Variants in KCNJ6 observed in about 807,000 individuals in gnomAD.
The protein encoded by KCNJ6 is potassium inwardly rectifying channel subfamily J member 6, also known as G protein-activated inward rectifier potassium channel 2.
In KCNJ6, 9 loss-of-function variants were observed where a neutral mutation model predicts 34.2. That is an observed-to-expected ratio of 0.26 (90% CI 0.16 to 0.46). KCNJ6 has a LOEUF of 0.46. KCNJ6 is among the 20% of genes least tolerant of loss of function. The pLI is 1.00. For synonymous variants in KCNJ6, 196 were observed against 207.1 expected, an observed-to-expected ratio of 0.95 and a Z score of 0.46; for missense variants, 236 against 531.3, an observed-to-expected ratio of 0.44 and a Z score of 5.46.
intron 2 of KCNJ6, among the ~76,000 whole-genome samples, chr21:37,741,314 A>G (rs140727763): frequency 5.9e-5 from 9 of 152,164 alleles, no homozygotes; most frequent in African/African-American, 1.9e-4. Flanking sequence ...ACCTTTCTGG[A>G]TGTACCTGGT....
At chr21:37,825,854 C>A (rs552111349) in intron 2 of KCNJ6, among the ~76,000 whole-genome samples, 3 of 152,302 alleles carry the variant, frequency 2.0e-5, no homozygotes, top group Admixed American at 2.0e-4. Flanking sequence ...TTGATAAAAT[C>A]ATCAGATCTT....
intron 3 of KCNJ6, among the ~76,000 whole-genome samples, chr21:37,658,950 T>A (rs1334797084): frequency 1.3e-5 from 2 of 152,242 alleles, no homozygotes; most frequent in African/African-American, 4.8e-5. Context: ...GTTCTCTTTC[T>A]CCAAATGATT....
intron 2 of KCNJ6, among the ~76,000 whole-genome samples, chr21:37,829,857 G>A (rs965534436): frequency 1.3e-5 from 2 of 152,336 alleles, no homozygotes; most frequent in Admixed American, 6.5e-5. Context: ...CCAGAGCCGG[G>A]CTTTCCATTA....
At chr21:37,645,547 G>A (rs1357945388) in intron 3 of KCNJ6, among the ~76,000 whole-genome samples, 1 of 152,174 alleles carries the variant, frequency 6.6e-6, no homozygotes, top group Non-Finnish European at 1.5e-5. Context: ...ATTTGGAAAA[G>A]TAAATGTAGT....
At chr21:37,679,347 T>C (rs966718517) in intron 3 of KCNJ6, among the ~76,000 whole-genome samples, 5 of 152,248 alleles carry the variant, frequency 3.3e-5, no homozygotes, top group Admixed American at 2.0e-4. Flanking sequence ...AGATAACTAA[T>C]ACAAAAGCTA....
chr21:37,912,898 T>C (rs1023662775), intron 1 of KCNJ6, among the ~76,000 whole-genome samples: 2 of 152,194 alleles, frequency 1.3e-5, no homozygotes, highest in Non-Finnish European at 2.9e-5. Flanking sequence ...TTGTTTACCA[T>C]TAAAAATAAC....
Position 37,607,482 on chromosome 21 carries a change from A to ATATATATATATATTTTTTT in KCNJ6, c.*17676_*17677insAAAAAAATATATATATATA. On this transcript the variant is annotated 3_prime_UTR_variant, in exon 4 of 4. Coordinates refer to ENST00000609713, the MANE Select transcript of KCNJ6 (RefSeq NM_002240.5). ...CTTAAAGATATATATATATATATAT[A>ATATATATATATATTTTTTT]TTTTTTTTTTATTTTAAAAAAATTT... 27 of 136,752 alleles carry ATATATATATATATTTTTTT rather than the reference A, an allele frequency of 2.0e-4. No individual in the cohort carries two copies. In the South Asian group the frequency reaches 3.9e-3, roughly 20 times the overall value. 8.5% of individuals were successfully genotyped at this position (136,752 alleles called of 1,614,324 possible).
chr21:37,903,212 G>T (rs2123647118), intron 1 of KCNJ6, among the ~76,000 whole-genome samples: 1 of 152,242 alleles, frequency 6.6e-6, no homozygotes, highest in Non-Finnish European at 1.5e-5. Flanking sequence ...CAAGGGTGGG[G>T]CCAGGTGGAG....
intron 3 of KCNJ6, among the ~76,000 whole-genome samples, chr21:37,701,418 T>C (rs889353291): frequency 6.6e-6 from 1 of 151,268 alleles, no homozygotes; most frequent in African/African-American, 2.4e-5. Context: ...TGTGGCAATT[T>C]TAAGTGACTC....
rs2054270274 is a variant in KCNJ6 at position 37,616,963 on chromosome 21, G to T, written c.*8196C>A. On this transcript the variant is annotated 3_prime_UTR_variant, in exon 4 of 4. Transcript: ENST00000609713. ...CCTTCATTTGGTGACCCTGATAGAG[G>T]TGGGGATGTGCGATTTCTTTTCTCT... 6.6e-6 allele frequency: 1 copy of T among 151,860 alleles called. No individual in the cohort carries two copies. Among genetic ancestry groups the T allele is most frequent in the Non-Finnish European group, 1.5e-5 (1 of 67,966 alleles). 9.4% of individuals were successfully genotyped at this position (151,860 alleles called of 1,614,324 possible).
intron 2 of KCNJ6, among the ~76,000 whole-genome samples, chr21:37,809,606 T>C (rs2835976): frequency 0.61 from 92,690 of 152,034 alleles, 28,858 homozygotes; most frequent in South Asian, 0.7. Flanking sequence ...ATGATGTAAG[T>C]TTGTTTGGAA....
At chr21:37,744,640 A>G (rs1343866267) in intron 2 of KCNJ6, among the ~76,000 whole-genome samples, 1 of 152,184 alleles carries the variant, frequency 6.6e-6, no homozygotes, top group African/African-American at 2.4e-5. Context: ...ACTAAGGATC[A>G]GAGAGCAATA....
In KCNJ6 at chr21:37,775,782, C is replaced by T. The variant is rs369025736; in HGVS notation, c.26-60651G>A. Among the ~76,000 whole-genome samples the T allele has an allele frequency of 5.3e-5, 8 of 152,104 alleles. No homozygotes were observed. The South Asian group carries it at 8.3e-4, about 16-fold the overall frequency. ...TGTAGTATAGTTTGAAGTCAGGTAGCGTGATGCCTCCAACTTTGTTCTTTT... is the reference window on the plus strand; with the variant it reads ...TGTAGTATAGTTTGAAGTCAGGTAGTGTGATGCCTCCAACTTTGTTCTTTT... On this transcript the variant is annotated intron_variant, in intron 2 of 3. Coordinates refer to ENST00000609713, the MANE Select transcript of KCNJ6 (RefSeq NM_002240.5).
chr21:37,855,622 A>C (rs2123595937), intron 1 of KCNJ6, among the ~76,000 whole-genome samples: 1 of 152,344 alleles, frequency 6.6e-6, no homozygotes, highest in Admixed American at 6.5e-5. Flanking sequence ...CTTCCAATTC[A>C]GAAGGCAGAA....
At chr21:37,752,177 G>A (rs2054999264) in intron 2 of KCNJ6, among the ~76,000 whole-genome samples, 2 of 152,190 alleles carry the variant, frequency 1.3e-5, no homozygotes, top group South Asian at 2.1e-4. Context: ...AAGGCGGGCT[G>A]CTCTGTGTCC....
intron 1 of KCNJ6, among the ~76,000 whole-genome samples, chr21:37,900,106 A>G (rs1457859406): frequency 6.6e-6 from 1 of 152,228 alleles, no homozygotes; most frequent in Admixed American, 6.5e-5. Context: ...AGCCTTTTTG[A>G]AGGGCAATTT....
intron 2 of KCNJ6, among the ~76,000 whole-genome samples, chr21:37,789,565 A>G (rs1488658062): frequency 1.3e-5 from 2 of 152,202 alleles, no homozygotes; most frequent in Non-Finnish European, 2.9e-5. Context: ...TTTGTCATGG[A>G]AACCTGAGCA....
intron 1 of KCNJ6, among the ~76,000 whole-genome samples, chr21:37,854,819 A>G (rs566018213): frequency 2.2e-4 from 33 of 152,352 alleles, no homozygotes; most frequent in African/African-American, 7.5e-4. Context: ...ATACATAGCA[A>G]TCCTAAATGT....
chr21:37,647,546 A>G (rs2054411118), intron 3 of KCNJ6, among the ~76,000 whole-genome samples: 1 of 152,062 alleles, frequency 6.6e-6, no homozygotes, highest in African/African-American at 2.4e-5. Flanking sequence ...CATACCCCCA[A>G]TCACTTCTCT....
Sources: allele counts gnomAD v4.1 joint callset (sites outside exome capture counted in the v4.1 genomes callset), GRCh38; gene constraint gnomAD v4.1.1; transcripts MANE v1.5; gene names NCBI Gene and HGNC (gene_info 2026-07-23, HGNC 2026-07-21).